WDR62: variants seen among roughly 807,000 people sequenced by gnomAD.
The protein encoded by WDR62 is WD repeat domain 62.
A neutral mutation model predicts 160.6 loss-of-function variants in WDR62; 112 were observed. The observed-to-expected ratio is 0.70, with a 90% CI of 0.60 to 0.82. The LOEUF is 0.82. Among genes scored for constraint, WDR62 ranks in the 40% least tolerant of loss-of-function variants. The pLI, the probability that WDR62 is intolerant of heterozygous loss-of-function variation, is 0.00. For missense variants in WDR62, 1,819 were observed against 1,983.8 expected (o/e 0.92, Z 1.58); for synonymous variants, 792 against 815.1 (o/e 0.97, Z 0.48).
intron 21 of WDR62, among the ~76,000 whole-genome samples, chr19:36,098,864 T>C (rs757666036): frequency 2.0e-5 from 3 of 152,142 alleles, no homozygotes; most frequent in Non-Finnish European, 2.9e-5. Context: ...CGAAACAGGA[T>C]TCCTTGAGCC....
intron 18 of WDR62, 146 bp downstream of exon 18, chr19:36,091,611 T>C (rs1270376333): frequency 1.2e-6 from 1 of 827,010 alleles, no homozygotes; most frequent in African/African-American, 1.7e-5. Flanking sequence ...AAATACCAGC[T>C]CTAAGCTGGG....
the WDR62 span, chr19:36,111,130 GAT>G: frequency 1.1e-5 from 14 of 1,297,434 alleles, no homozygotes; most frequent in African/African-American, 2.1e-4. Context: ...TCCCACCAGG[GAT>G]AGTCATCCTG....
intron 9 of WDR62, among the ~76,000 whole-genome samples, chr19:36,077,866 G>A (rs1971666404): frequency 6.6e-6 from 1 of 152,136 alleles, no homozygotes; most frequent in South Asian, 2.1e-4. Flanking sequence ...AAAGTGCTAG[G>A]ATTACAGGCG....
At chr19:36,085,971 C>A (rs1453307266) in intron 12 of WDR62, among the ~76,000 whole-genome samples, 1 of 152,108 alleles carries the variant, frequency 6.6e-6, no homozygotes, top group African/African-American at 2.4e-5. Flanking sequence ...GCGTGAACCA[C>A]CATGCCCGGC....
At chr19:36,084,537 T>G in intron 11 of WDR62, 116 bp from the exon 12 acceptor site, 1 of 897,762 alleles carries the variant, frequency 1.1e-6, no homozygotes, top group Non-Finnish European at 1.8e-6. Context: ...CTAGAGTATT[T>G]GGCCATGATA....
chr19:36,101,979 T>A, intron 25 of WDR62, 35 bp from the exon 26 acceptor site: 1 of 1,613,830 alleles, frequency 6.2e-7, no homozygotes, highest in Non-Finnish European at 8.5e-7. Flanking sequence ...CTCATGGTGT[T>A]GGCTCCTCTT....
chr19:36,088,984 TC>T (rs773056765), intron 13 of WDR62, 53 bp from the exon 14 acceptor site: 166 of 1,598,830 alleles, frequency 1.0e-4, no homozygotes, highest in Non-Finnish European at 1.3e-4. Context: ...CCAGCTAGGG[TC>T]CCCTGCCCAT....
rs941272250 is a variant in WDR62 at position 36,103,194 on chromosome 19, C to T, written c.3501C>T (p.Ala1167=). 6 of 1,613,796 alleles carry T rather than the reference C, an allele frequency of 3.7e-6. No individual in the cohort carries two copies. The African/African-American group carries it at 8.0e-5, about 22-fold the overall frequency. Residue 1167 remains alanine (A), a synonymous_variant, in exon 29 of 32, where the codon GCC becomes GCT. Coordinates refer to ENST00000401500, the MANE Select transcript of WDR62 (RefSeq NM_001083961.2). ...AAGKAEETLE[A]WRPPPPCLTS... ...GGAAGGCTGAAGAGACCCTGGAGGC[C>T]TGGCGCCCACCACGTGAGTGCCCCA... is the stretch of plus-strand genomic sequence containing the variant.
chr19:36,076,645 A>G lies in WDR62; in HGVS notation c.1233+3114A>G, dbSNP rs113242174. Among the ~76,000 whole-genome samples, 573 of 151,800 alleles carry G rather than the reference A, an allele frequency of 3.8e-3. 4 individuals are homozygous for G. Among genetic ancestry groups the G allele is most frequent in the African/African-American group, 0.013 (530 of 41,444 alleles). On this transcript the variant is annotated intron_variant, in intron 9 of 31. Coordinates refer to ENST00000401500, the MANE Select transcript of WDR62 (RefSeq NM_001083961.2). ...ACTTCAGAATCACAGGTTGGGTGTT[A>G]GGGATGCTCATCGCTATTGGGTCGT...
intron 11 of WDR62, 103 bp from the exon 12 acceptor site, chr19:36,084,550 G>A (rs1972089539): frequency 1.9e-6 from 2 of 1,036,868 alleles, no homozygotes; most frequent in Admixed American, 1.8e-5. Context: ...CCATGATAAG[G>A]GGTTCTCATT....
At chr19:36,069,622 T>C (rs1599766002) in intron 7 of WDR62, among the ~76,000 whole-genome samples, 1 of 152,314 alleles carries the variant, frequency 6.6e-6, no homozygotes, top group Non-Finnish European at 1.5e-5. Flanking sequence ...CTCGGCACTT[T>C]GGGAGGCCAA....
At chr19:36,096,928 C>G (rs1413865551) in intron 20 of WDR62, 99 bp from the exon 21 acceptor site, 1 of 1,093,728 alleles carries the variant, frequency 9.1e-7, no homozygotes, top group East Asian at 2.6e-5. Context: ...CTTCTGACTT[C>G]TGGGTTGTGG....
chr19:36,069,738 C>G (rs531275750), intron 7 of WDR62, among the ~76,000 whole-genome samples: 1 of 152,270 alleles, frequency 6.6e-6, no homozygotes, highest in Non-Finnish European at 1.5e-5. Flanking sequence ...TCTGCAATCC[C>G]GGCACCTCGG....
intron 21 of WDR62, among the ~76,000 whole-genome samples, chr19:36,097,935 T>G (rs191120817): frequency 3.2e-3 from 494 of 152,196 alleles, no homozygotes; most frequent in Middle Eastern, 6.8e-3. Flanking sequence ...GTGTCAGTTT[T>G]AAGTAAACAG....
intron 5 of WDR62, 105 bp downstream of exon 5, chr19:36,066,532 C>A (rs1365671936): frequency 2.5e-5 from 32 of 1,289,636 alleles, no homozygotes; most frequent in South Asian, 3.9e-5. Flanking sequence ...AGTGCTCACT[C>A]ACCCAACAGA....
Position 36,104,948 on chromosome 19 carries a change from A to G in WDR62, c.4492A>G (p.Ser1498Gly), listed in dbSNP as rs370002578. 1 of 1,607,370 alleles carries G rather than the reference A, an allele frequency of 6.2e-7. No individual in the cohort carries two copies. Among genetic ancestry groups the G allele is most frequent in the African/African-American group, 1.3e-5 (1 of 74,810 alleles). Residue 1498 changes from serine (S) to glycine (G), a missense_variant, in exon 32 of 32, where the codon AGC becomes GGC. By Grantham distance (56) the Ser-to-Gly change is moderately conservative (BLOSUM62 0). Coordinates refer to ENST00000401500, the MANE Select transcript of WDR62 (RefSeq NM_001083961.2). ...PSPPTLYPLASPDLQALLEHY... is the reference protein window; with the variant it reads ...PSPPTLYPLAGPDLQALLEHY... ...CCCACCGACGCTGTACCCCCTGGCCAGCCCAGACCTGCAGGCCCTGCTGGA... is the reference window on the plus strand; with the variant it reads ...CCCACCGACGCTGTACCCCCTGGCCGGCCCAGACCTGCAGGCCCTGCTGGA...
Position 36,103,219 on chromosome 19 carries a change from A to T in WDR62, c.3514+12A>T. 6.2e-7 allele frequency: 1 copy of T among 1,613,352 alleles called. No homozygotes were observed. The highest frequency in any genetic ancestry group is 2.2e-5 in the East Asian group (1 of 44,860). On this transcript the variant is annotated intron_variant, in intron 29 of 31. Transcript: ENST00000401500. ...CTGGCGCCCACCACGTGAGTGCCCC[A>T]GTCCCAGACGGACAGTCCTGGGTTT...
chr19:36,102,246 A>T, intron 26 of WDR62, 95 bp downstream of exon 26: 1 of 1,570,750 alleles, frequency 6.4e-7, no homozygotes, highest in Non-Finnish European at 8.7e-7. Context: ...CAGGGCCAGG[A>T]GGGTGAGTGG....
chr19:36,105,793 G>A (rs1344776436), downstream of WDR62, among the ~76,000 whole-genome samples: 1 of 152,052 alleles, frequency 6.6e-6, no homozygotes, highest in Non-Finnish European at 1.5e-5. Flanking sequence ...CCGCCTCCCG[G>A]GTTCAAGCGA....
Sources: allele counts gnomAD v4.1 joint callset (sites outside exome capture counted in the v4.1 genomes callset), GRCh38; gene constraint gnomAD v4.1.1; transcripts MANE v1.5; gene names NCBI Gene and HGNC (gene_info 2026-07-23, HGNC 2026-07-21).